Variants in FOLH1 observed in about 807,000 individuals in gnomAD.
The protein encoded by FOLH1 is folate hydrolase 1, also known as glutamate carboxypeptidase 2.
FOLH1 carries 54 observed loss-of-function variants against 93.9 expected under a neutral mutation model. That is an observed-to-expected ratio of 0.57 (90% confidence interval 0.46 to 0.72). FOLH1 has a LOEUF of 0.72. FOLH1 is among the 30% of genes least tolerant of loss of function. The pLI is 0.00. For missense variants in FOLH1, 571 were observed against 892.5 expected (o/e 0.64, Z 4.59); for synonymous variants, 249 against 303.6 (o/e 0.82, Z 1.87).
intron 15 of FOLH1, among the ~76,000 whole-genome samples, chr11:49,155,917 A>G (rs1260506442): frequency 1.3e-5 from 2 of 148,658 alleles, no homozygotes; most frequent in South Asian, 2.2e-4. Flanking sequence ...CTGTGTCCCC[A>G]CCCAAATCTC....
chr11:49,189,881 T>C (rs889301222), intron 4 of FOLH1, among the ~76,000 whole-genome samples: 14 of 152,178 alleles, frequency 9.2e-5, no homozygotes, highest in Admixed American at 6.5e-4. Context: ...TAAGTGGGTG[T>C]AATATTAAAT....
intron 3 of FOLH1, among the ~76,000 whole-genome samples, chr11:49,198,375 G>C (rs1439071888): frequency 2.0e-5 from 3 of 151,762 alleles, no homozygotes; most frequent in South Asian, 2.1e-4. Flanking sequence ...CCAGCTACTA[G>C]GGAGGCTGAG....
At chr11:49,164,060 G>A (rs1858079151) in intron 13 of FOLH1, among the ~76,000 whole-genome samples, 2 of 152,220 alleles carry the variant, frequency 1.3e-5, no homozygotes, top group East Asian at 1.9e-4. Flanking sequence ...TCAGTTGAAG[G>A]TGCTGTATTT....
intron 7 of FOLH1, among the ~76,000 whole-genome samples, chr11:49,179,171 G>A (rs1234806441): frequency 6.6e-6 from 1 of 152,178 alleles, no homozygotes. Context: ...AAAAATGAGG[G>A]CGAAGAGCCT....
chr11:49,169,729 T>A (rs1205510120), intron 11 of FOLH1, among the ~76,000 whole-genome samples: 1 of 152,194 alleles, frequency 6.6e-6, no homozygotes, highest in Admixed American at 6.5e-5. Flanking sequence ...TGAACTTAAA[T>A]CATCTCCTGA....
intron 12 of FOLH1, among the ~76,000 whole-genome samples, chr11:49,166,207 AG>A (rs1405474923): frequency 6.6e-6 from 1 of 152,210 alleles, no homozygotes; most frequent in Non-Finnish European, 1.5e-5. Flanking sequence ...TGAATGAAAA[AG>A]GCAAGTTGTA....
chr11:49,207,977 G>GA, intron 1 of FOLH1: 2 of 464,116 alleles, frequency 4.3e-6, no homozygotes, highest in Admixed American at 3.0e-5. Context: ...CAAAACAAAA[G>GA]CAAAAAAAAA....
rs552121297 is a variant in FOLH1, at chr11:49,170,066, G to A, written c.1309-808C>T. On this transcript the variant is annotated intron_variant, in intron 11 of 18. Coordinates refer to ENST00000256999, the MANE Select transcript of FOLH1 (RefSeq NM_004476.3). The stretch of plus-strand genomic sequence containing the variant: ...TTTCAAAGAAAATTAAAGTCCACAG[G>A]GTTTCACATAATATCTGGAGTATGA... 1.8e-3 allele frequency among the ~76,000 whole-genome samples: 270 copies of A among 151,300 alleles called. 1 individual carries two copies. The Middle Eastern group carries it at 0.041, about 23-fold the overall frequency.
At chr11:49,181,083 A>G (rs1860670785) in intron 7 of FOLH1, among the ~76,000 whole-genome samples, 1 of 151,654 alleles carries the variant, frequency 6.6e-6, no homozygotes, top group African/African-American at 2.4e-5. Context: ...GTAATTACAA[A>G]GATAATACAG....
At chr11:49,173,685 A>G (rs1160812015) in intron 9 of FOLH1, among the ~76,000 whole-genome samples, 1 of 152,158 alleles carries the variant, frequency 6.6e-6, no homozygotes, top group African/African-American at 2.4e-5. Context: ...AAGCAAATAT[A>G]TATTTCAATG....
At chr11:49,179,414 C>A (rs1242248068) in intron 7 of FOLH1, among the ~76,000 whole-genome samples, 2 of 152,050 alleles carry the variant, frequency 1.3e-5, no homozygotes, top group African/African-American at 4.8e-5. Flanking sequence ...ACTAATCCAA[C>A]CACAATAAAA....
At chr11:49,170,764 C>T (rs1859163997) in intron 11 of FOLH1, among the ~76,000 whole-genome samples, 1 of 152,200 alleles carries the variant, frequency 6.6e-6, no homozygotes, top group Non-Finnish European at 1.5e-5. Context: ...CCCTTTGAAT[C>T]AGACAAGATT....
Position 49,206,152 on chromosome 11 carries a change from T to C in FOLH1, c.139A>G (p.Asn47Asp). 1 of 1,612,272 alleles carries C rather than the reference T, an allele frequency of 6.2e-7. No individual in the cohort carries two copies. Among genetic ancestry groups the C allele is most frequent in the South Asian group, 1.1e-5 (1 of 90,860 alleles). ...FLFGWFIKSS[N>D]EATNITPKHN... ...TTTGGAGTAATGTTAGTAGCTTCAT[T>C]GGAGGATTTTATAAACCACCCTGAA... Residue 47 changes from asparagine (N) to aspartate (D), a missense_variant, in exon 2 of 19, where the codon AAT becomes GAT. Around this residue, in one of 2 missense-constraint regions of FOLH1, gnomAD observed 71 missense variants for 69.6 expected, o/e 1.02. Coordinates refer to ENST00000256999, the MANE Select transcript of FOLH1 (RefSeq NM_004476.3).
chr11:49,160,818 G>A (rs1181687251), intron 13 of FOLH1, among the ~76,000 whole-genome samples: 1 of 152,132 alleles, frequency 6.6e-6, no homozygotes, highest in Non-Finnish European at 1.5e-5. Context: ...GTGTCCCAGA[G>A]ATTCTGGTGT....
chr11:49,184,598 GA>G (rs1292826651), intron 6 of FOLH1, among the ~76,000 whole-genome samples: 6 of 151,468 alleles, frequency 4.0e-5, no homozygotes, highest in African/African-American at 1.5e-4. Flanking sequence ...TTTTAAAAAA[GA>G]AAAAAATCTC....
chr11:49,180,351 C>T (rs1295106396), intron 7 of FOLH1, among the ~76,000 whole-genome samples: 1 of 152,178 alleles, frequency 6.6e-6, no homozygotes, highest in African/African-American at 2.4e-5. Flanking sequence ...ATTAAAACCA[C>T]ATAATCACAC....
rs1407952125 is a variant in FOLH1, at chr11:49,146,165, A to G, written c.*591T>C. Among the ~76,000 whole-genome samples, 4 of 152,246 alleles carry G rather than the reference A, an allele frequency of 2.6e-5. No individual in the cohort carries two copies. The highest frequency in any genetic ancestry group is 9.6e-5 in the African/African-American group (4 of 41,474). On this transcript the variant is annotated 3_prime_UTR_variant, in exon 19 of 19. Transcript: ENST00000256999. The stretch of plus-strand genomic sequence containing the variant: ...ATATTAGAAATGTTATTTTCTTCAT[A>G]TGGCTATTAGGTTCACAAGTGTTCA...
At chr11:49,173,794 T>C (rs1859666078) in intron 9 of FOLH1, among the ~76,000 whole-genome samples, 2 of 152,110 alleles carry the variant, frequency 1.3e-5, no homozygotes, top group South Asian at 4.1e-4. Flanking sequence ...TTACCTAACT[T>C]ACCACTTTCT....
intron 12 of FOLH1, among the ~76,000 whole-genome samples, chr11:49,166,110 T>C (rs1212872434): frequency 6.6e-5 from 10 of 152,212 alleles, no homozygotes; most frequent in Non-Finnish European, 1.5e-4. Flanking sequence ...GAATACATTG[T>C]AGATTTTTGT....
Sources: gnomAD v4.1 joint callset for allele counts (sites outside exome capture counted in the v4.1 genomes callset) on GRCh38, gnomAD v4.1.1 for gene constraint, gnomAD v4.1.1 regional missense constraint, MANE v1.5 for transcripts, NCBI Gene and HGNC (gene_info 2026-07-23, HGNC 2026-07-21) for gene names.